The following CEP120 variants were observed in gnomAD, a reference collection of about 807,000 sequenced individuals.
The protein encoded by CEP120 is centrosomal protein of 120 kDa.
CEP120 carries 113 observed loss-of-function variants against 126.5 expected under a neutral mutation model. That is an observed-to-expected ratio of 0.89 (90% CI 0.77 to 1.04). The LOEUF is 1.04. Among genes scored for constraint, CEP120 ranks in the 50% least tolerant of loss-of-function variants. The pLI is 0.00. For missense variants in CEP120, 1,230 were observed against 1,155.7 expected (o/e 1.06, Z -0.93); for synonymous variants, 400 against 394.3 (o/e 1.01, Z -0.17).
At position 123,395,985 on chromosome 5, in the gene CEP120, A is replaced by G. The variant is rs1378197885; in HGVS notation, c.613-2488T>C. Among the ~76,000 whole-genome samples the G allele has an allele frequency of 2.2e-5, 3 of 135,438 alleles. No individual in the cohort carries two copies. In the East Asian group the frequency reaches 6.6e-4, roughly 30 times the overall value. 88.9% of individuals were successfully genotyped at this position (135,438 alleles called of 152,430 possible). On this transcript the variant is annotated intron_variant, in intron 5 of 19. Coordinates refer to ENST00000306467, the MANE Select transcript of CEP120 (RefSeq NM_001375405.1). The stretch of plus-strand genomic sequence containing the variant: ...ATGTGAGCCACTGAGCCTGGTCTCC[A>G]TTCCTTTTTTTTTTTTTTTTTTTAC...
At chr5:123,371,149 A>C (rs1308302105) in intron 17 of CEP120, among the ~76,000 whole-genome samples, 1 of 152,046 alleles carries the variant, frequency 6.6e-6, no homozygotes, top group Non-Finnish European at 1.5e-5. Context: ...AAAAATCTAA[A>C]ATGTTCCAAC....
At chr5:123,388,220 T>C (rs186597986) in intron 9 of CEP120, 2 of 318,034 alleles carry the variant, frequency 6.3e-6, no homozygotes, top group African/African-American at 2.1e-5. Flanking sequence ...CCTACAATTA[T>C]TATATCAGAA....
At chr5:123,419,717 T>C (rs1185324378) in intron 1 of CEP120, among the ~76,000 whole-genome samples, 37 of 152,182 alleles carry the variant, frequency 2.4e-4, no homozygotes, top group Admixed American at 2.4e-3. Context: ...ATTTCATCAA[T>C]GTTTACTGAA....
intron 19 of CEP120, among the ~76,000 whole-genome samples, 167 bp downstream of exon 19, chr5:123,349,777 T>C (rs1329866401): frequency 6.6e-6 from 1 of 152,128 alleles, no homozygotes; most frequent in Non-Finnish European, 1.5e-5. Flanking sequence ...GTGCTAGGAT[T>C]ACAGGCATGC....
chr5:123,369,962 C>G (rs192625856), intron 17 of CEP120, among the ~76,000 whole-genome samples: 3 of 152,076 alleles, frequency 2.0e-5, no homozygotes, highest in Admixed American at 2.0e-4. Context: ...CTTAACATCT[C>G]AAAACAATTT....
chr5:123,414,875 G>A (rs982278933), intron 3 of CEP120, among the ~76,000 whole-genome samples: 4 of 149,924 alleles, frequency 2.7e-5, no homozygotes, highest in African/African-American at 9.8e-5. Context: ...GGGAGGCTGA[G>A]GCGGAAGAAT....
chr5:123,410,087 G>A (rs1366720194), intron 4 of CEP120, among the ~76,000 whole-genome samples: 4 of 148,302 alleles, frequency 2.7e-5, no homozygotes, highest in African/African-American at 1.0e-4. Context: ...TGCCAGCAAC[G>A]AACAAATAAA....
intron 5 of CEP120, among the ~76,000 whole-genome samples, chr5:123,394,828 C>G (rs1264759390): frequency 6.6e-6 from 1 of 152,212 alleles, no homozygotes; most frequent in African/African-American, 2.4e-5. Context: ...ATCACAAATT[C>G]TGGAGTCAGA....
intron 12 of CEP120, 43 bp from the exon 13 acceptor site, chr5:123,382,932 T>C (rs767162041): frequency 1.9e-6 from 3 of 1,607,172 alleles, no homozygotes; most frequent in Non-Finnish European, 1.7e-6. Flanking sequence ...CTCACACACA[T>C]ATGCACATTA....
intron 14 of CEP120, among the ~76,000 whole-genome samples, chr5:123,380,184 T>C (rs1305465441): frequency 6.6e-6 from 1 of 152,144 alleles, no homozygotes; most frequent in Non-Finnish European, 1.5e-5. Flanking sequence ...TATTTAGCTT[T>C]AAAATATTTC....
chr5:123,368,527 A>G (rs1237653046), intron 17 of CEP120, among the ~76,000 whole-genome samples: 3 of 152,010 alleles, frequency 2.0e-5, no homozygotes. Flanking sequence ...GAATCAATTA[A>G]GACTTGCAAT....
In CEP120 at chr5:123,407,960, TA is replaced by T. The variant is rs756199228; in HGVS notation, c.463+4438del. On this transcript the variant is annotated intron_variant, in intron 4 of 19. Coordinates refer to ENST00000306467, the MANE Select transcript of CEP120 (RefSeq NM_001375405.1). The stretch of plus-strand genomic sequence containing the variant: ...ATATACTTCTAAATAACACATGGGT[TA>T]AAAAAAAATCTCAAGAGAAATTTAA... Among the ~76,000 whole-genome samples the T allele has an allele frequency of 1.1e-4, 17 of 151,590 alleles. No homozygotes were observed. The East Asian group carries it at 2.5e-3, about 22-fold the overall frequency.
intron 18 of CEP120, among the ~76,000 whole-genome samples, chr5:123,361,451 T>A (rs1158643132): frequency 6.6e-6 from 1 of 151,852 alleles, no homozygotes. Flanking sequence ...ACTTGCTGAA[T>A]GAATGAAAGA....
At chr5:123,384,506 AATATCT>A (rs1771888692) in intron 11 of CEP120, among the ~76,000 whole-genome samples, 1 of 152,174 alleles carries the variant, frequency 6.6e-6, no homozygotes, top group African/African-American at 2.4e-5. Flanking sequence ...CTGACTGCCA[AATATCT>A]ATAATGTCCT....
At chr5:123,372,118 T>C (rs1770896575) in intron 17 of CEP120, among the ~76,000 whole-genome samples, 2 of 152,076 alleles carry the variant, frequency 1.3e-5, no homozygotes, top group Admixed American at 1.3e-4. Flanking sequence ...TCTTCCTAGC[T>C]GAGAGCTAGA....
chr5:123,387,193 T>C (rs1421402003), intron 9 of CEP120, among the ~76,000 whole-genome samples: 1 of 152,174 alleles, frequency 6.6e-6, no homozygotes, highest in Non-Finnish European at 1.5e-5. Flanking sequence ...TAAAGCCAAA[T>C]ATAAAGATAT....
chr5:123,375,777 A>G (rs1041933268), intron 16 of CEP120, among the ~76,000 whole-genome samples: 1 of 152,032 alleles, frequency 6.6e-6, no homozygotes, highest in African/African-American at 2.4e-5. Context: ...ATAATTGCCC[A>G]CTTTTACAAC....
intron 4 of CEP120, among the ~76,000 whole-genome samples, chr5:123,404,350 A>T (rs1051396521): frequency 3.3e-5 from 5 of 152,194 alleles, no homozygotes; most frequent in Admixed American, 2.6e-4. Context: ...CAATTTAACC[A>T]TCTCTTGGGT....
intron 2 of CEP120, among the ~76,000 whole-genome samples, chr5:123,417,403 TAA>T (rs1774456769): frequency 6.6e-6 from 1 of 152,170 alleles, no homozygotes; most frequent in Non-Finnish European, 1.5e-5. Context: ...CTTAAATAAA[TAA>T]GAGTATTGCT....
Sources: gnomAD v4.1 joint callset for allele counts (sites outside exome capture counted in the v4.1 genomes callset) on GRCh38, gnomAD v4.1.1 for gene constraint, MANE v1.5 for transcripts, NCBI Gene and HGNC (gene_info 2026-07-23, HGNC 2026-07-21) for gene names.